Variants in SHCBP1 observed in about 807,000 individuals in gnomAD.
SHCBP1 encodes the protein SHC binding and spindle associated 1, also known as SHC SH2 domain-binding protein 1.
Under a neutral mutation model 75.1 loss-of-function variants are expected in SHCBP1, and 60 were observed. The ratio of observed to expected loss-of-function variants is 0.80; its 90% CI spans 0.65 to 0.99. The LOEUF (loss-of-function observed/expected upper bound fraction) is 0.99, where lower values mean the gene tolerates loss of function less well. SHCBP1 is among the 50% of genes least tolerant of loss of function. The pLI is 0.00. For synonymous variants in SHCBP1, 290 were observed against 293.2 expected (o/e 0.99, Z 0.11); for missense variants, 709 against 809.4 (o/e 0.88, Z 1.50).
In SHCBP1 at chr16:46,608,286, T is replaced by G; in HGVS notation, c.689+11A>C. ...CCAACATGTACAACAAGGTCAGCAA[T>G]AAATACTTACAATCTTAATCGAGGT... On this transcript the variant is annotated intron_variant, in intron 5 of 12. Transcript: ENST00000303383. The G allele has an allele frequency of 6.3e-7, 1 of 1,599,852 alleles. No individual in the cohort carries two copies. The highest frequency in any genetic ancestry group is 8.6e-7 in the Non-Finnish European group (1 of 1,167,370).
intron 8 of SHCBP1, 94 bp from the exon 9 acceptor site, chr16:46,600,056 C>A: frequency 7.2e-7 from 1 of 1,381,076 alleles, no homozygotes; most frequent in Non-Finnish European, 9.9e-7. Context: ...TAAATGACTG[C>A]AGATGATAAT....
chr16:46,593,351 C>T (rs1215787627), intron 10 of SHCBP1, among the ~76,000 whole-genome samples: 1 of 152,058 alleles, frequency 6.6e-6, no homozygotes, highest in African/African-American at 2.4e-5. Flanking sequence ...ACCATAATCA[C>T]TCAAAAAAGT....
chr16:46,617,747 C>CA lies in SHCBP1; in HGVS notation c.273dup (p.Asp92Ter), dbSNP rs973711690. 1 of 1,609,040 alleles carries CA rather than the reference C, an allele frequency of 6.2e-7. No homozygotes were observed. The highest frequency in any genetic ancestry group is 1.3e-5 in the African/African-American group (1 of 74,782). On this transcript the variant is annotated frameshift_variant and splice_region_variant, in exon 3 of 13. Coordinates refer to ENST00000303383, the MANE Select transcript of SHCBP1 (RefSeq NM_024745.5). LOFTEE classifies it high-confidence loss of function. ...TCCTGTACCTCAGAGGCCTTGCAGT[C>CA]AGCTACAAACAAATTAAACACAGGA...
chr16:46,587,292 T>C (rs988579240), intron 10 of SHCBP1, among the ~76,000 whole-genome samples: 5 of 152,048 alleles, frequency 3.3e-5, no homozygotes, highest in Admixed American at 6.6e-5. Flanking sequence ...AAAAGTTATA[T>C]GAAGAGATAT....
rs1333274772 is a variant in SHCBP1 at position 46,616,316 on chromosome 16, T to C, written c.388-162A>G. On this transcript the variant is annotated intron_variant, in intron 3 of 12. Coordinates refer to ENST00000303383, the MANE Select transcript of SHCBP1 (RefSeq NM_024745.5). This position sits in a 1 kb window ranked among gnomAD's most constrained non-coding sequence, Gnocchi z 4.4. ...CAAGACAGGCTGCCTCTTACCCTCA[T>C]GGAGCTTACACTGTAATCAGGGAGA... Among the ~76,000 whole-genome samples the C allele has an allele frequency of 6.6e-6, 1 of 152,218 alleles. No individual in the cohort carries two copies. The highest frequency in any genetic ancestry group is 1.5e-5 in the Non-Finnish European group (1 of 68,042).
rs750058465 is a variant in SHCBP1, at chr16:46,617,673, C to T, written c.348G>A (p.Arg116=). Residue 116 remains arginine (R), a synonymous_variant, in exon 3 of 13, where the codon CGG becomes CGA. Coordinates refer to ENST00000303383, the MANE Select transcript of SHCBP1 (RefSeq NM_024745.5). ...TGAACACATTAGTGTGCCAGACTGC[C>T]CGCCATCCAGATGGCTCAAGGACCT... The part of the protein sequence containing the change: ...LEKVLEPSGW[R]AVWHTNVFKV... 5 of 1,613,648 alleles carry T rather than the reference C, an allele frequency of 3.1e-6. No homozygotes were observed. The highest frequency in any genetic ancestry group is 1.7e-4 in the Middle Eastern group (1 of 5,726).
At chr16:46,604,524 C>G (rs1293696141) in intron 5 of SHCBP1, 63 bp from the exon 6 acceptor site, 1 of 1,175,040 alleles carries the variant, frequency 8.5e-7, no homozygotes, top group African/African-American at 1.5e-5. Flanking sequence ...ATCATTAAAA[C>G]AGCCCACTTA....
chr16:46,608,467 A>T, intron 4 of SHCBP1, 78 bp from the exon 5 acceptor site: 1 of 912,394 alleles, frequency 1.1e-6, no homozygotes, highest in Non-Finnish European at 1.8e-6. Context: ...AGAGCTAAAG[A>T]GTAAATCAAA....
At chr16:46,590,353 A>G (rs1399024485) in intron 10 of SHCBP1, among the ~76,000 whole-genome samples, 1 of 152,240 alleles carries the variant, frequency 6.6e-6, no homozygotes, top group Non-Finnish European at 1.5e-5. Context: ...GCACAGCAGA[A>G]CAAACTACCA....
intron 5 of SHCBP1, among the ~76,000 whole-genome samples, chr16:46,607,152 C>T (rs920601860): frequency 2.6e-5 from 4 of 151,998 alleles, no homozygotes; most frequent in Admixed American, 2.6e-4. Context: ...GTCAGGAGTT[C>T]GAGACCAGCC....
Position 46,583,591 on chromosome 16 carries a change from C to T in SHCBP1, c.1618G>A (p.Glu540Lys). The T allele has an allele frequency of 6.2e-7, 1 of 1,611,206 alleles. No individual in the cohort carries two copies. Among genetic ancestry groups the T allele is most frequent in the Non-Finnish European group, 8.5e-7 (1 of 1,179,158 alleles). The change falls in exon 12 of 13, where the codon GAA (glutamate) becomes AAA (lysine). Residue 540 changes from glutamate (E) to lysine (K), a missense_variant. Transcript: ENST00000303383. ...SMVNNIIHNN[E>K]GYGVVLVKPT... ...TTCACCAAGACAACACCATAACCTT[C>T]ATTATTATGTATTATATTATTCACC... is the stretch of plus-strand genomic sequence containing the variant.
chr16:46,614,334 A>G (rs1965463169), intron 4 of SHCBP1, among the ~76,000 whole-genome samples: 1 of 152,242 alleles, frequency 6.6e-6, no homozygotes, highest in African/African-American at 2.4e-5. Flanking sequence ...TTTATACTAC[A>G]AAACACCAAG....
At chr16:46,583,149 C>T (rs1239774097) in intron 12 of SHCBP1, among the ~76,000 whole-genome samples, 2 of 152,184 alleles carry the variant, frequency 1.3e-5, no homozygotes, top group Non-Finnish European at 2.9e-5. Flanking sequence ...TAGGAGCCAC[C>T]ATTGCTGTCA....
At chr16:46,598,084 A>G (rs1400965768) in intron 9 of SHCBP1, among the ~76,000 whole-genome samples, 1 of 152,152 alleles carries the variant, frequency 6.6e-6, no homozygotes, top group Non-Finnish European at 1.5e-5. Context: ...TACTTCCTCC[A>G]TTCAAGTCTT....
chr16:46,606,446 A>G (rs1319208077), intron 5 of SHCBP1, among the ~76,000 whole-genome samples: 2 of 152,174 alleles, frequency 1.3e-5, no homozygotes, highest in Non-Finnish European at 2.9e-5. Flanking sequence ...TTCCTCCCTT[A>G]TGCCATCCCA....
intron 10 of SHCBP1, among the ~76,000 whole-genome samples, chr16:46,592,973 A>AAAAAAAAAAAAAAAAAC: frequency 6.8e-6 from 1 of 147,762 alleles, no homozygotes; most frequent in Non-Finnish European, 1.5e-5. Flanking sequence ...AAAAAAAAAA[A>AAAAAAAAAAAAAAAAAC]AAAGCAGAAA....
intron 4 of SHCBP1, among the ~76,000 whole-genome samples, chr16:46,609,442 C>CTTTTT (rs71158875): frequency 1.2e-3 from 74 of 61,338 alleles, no homozygotes; most frequent in African/African-American, 2.2e-3. Context: ...CTTTTCTTTT[C>CTTTTT]TTTTTTTTTT....
chr16:46,583,139 T>G (rs1049932843), intron 12 of SHCBP1, among the ~76,000 whole-genome samples: 6 of 152,182 alleles, frequency 3.9e-5, no homozygotes, highest in Non-Finnish European at 7.3e-5. Flanking sequence ...CAAACGCCAG[T>G]AGGAGCCACC....
At chr16:46,604,493 G>T (rs1334171424) in intron 5 of SHCBP1, 32 bp from the exon 6 acceptor site, 1 of 1,472,858 alleles carries the variant, frequency 6.8e-7, no homozygotes, top group Non-Finnish European at 9.5e-7. Context: ...GAAATCCACT[G>T]CCTTTCAGGC....
Sources: allele counts gnomAD v4.1 joint callset (sites outside exome capture counted in the v4.1 genomes callset), GRCh38; gene constraint gnomAD v4.1.1; non-coding constraint Gnocchi (gnomAD v3.1); transcripts MANE v1.5; gene names NCBI Gene and HGNC (gene_info 2026-07-23, HGNC 2026-07-21).